The following LRRCC1 variants were observed in gnomAD, a reference collection of about 807,000 sequenced individuals.
The protein encoded by LRRCC1 is leucine-rich repeat and coiled-coil domain-containing protein 1.
In LRRCC1, 115 loss-of-function variants were observed where a neutral mutation model predicts 126.0. The ratio of observed to expected loss-of-function variants is 0.91; its 90% confidence interval spans 0.78 to 1.07. LRRCC1 has a LOEUF of 1.07. Ranked by LOEUF, LRRCC1 falls within the 50% of genes least tolerant of loss-of-function variation. The probability of loss-of-function intolerance (pLI) is 0.00; values close to 1 mark genes in which losing one functional copy is unlikely to be tolerated. For missense variants in LRRCC1, 1,172 were observed against 1,175.7 expected, an observed-to-expected ratio of 1.00 and a Z score of 0.05; for synonymous variants, 400 against 393.4, an observed-to-expected ratio of 1.02 and a Z score of -0.20.
chr8:85,137,809 T>G (rs1810978093), intron 15 of LRRCC1, among the ~76,000 whole-genome samples, 182 bp downstream of exon 15: 1 of 152,184 alleles, frequency 6.6e-6, no homozygotes, highest in Non-Finnish European at 1.5e-5. Context: ...TGATATTTAT[T>G]AATTTGGAAT....
intron 6 of LRRCC1, among the ~76,000 whole-genome samples, chr8:85,116,862 G>GAAAGTCA (rs1809165403): frequency 6.6e-6 from 1 of 152,198 alleles, no homozygotes; most frequent in South Asian, 2.1e-4. Context: ...ATAAGGCTGT[G>GAAAGTCA]AGGATTCTGT....
chr8:85,109,936 C>A, intron 2 of LRRCC1, 136 bp downstream of exon 2: 1 of 623,214 alleles, frequency 1.6e-6, no homozygotes, highest in Non-Finnish European at 2.7e-6. Context: ...ATATTTTCTC[C>A]AAAAAAGTGT....
chr8:85,130,513 C>T (rs1215490481), intron 11 of LRRCC1, among the ~76,000 whole-genome samples: 2 of 151,932 alleles, frequency 1.3e-5, no homozygotes, highest in Non-Finnish European at 2.9e-5. Flanking sequence ...TGGAAAATGC[C>T]GTGTTCATGT....
At chr8:85,141,345 A>G in intron 17 of LRRCC1, 37 bp from the exon 18 acceptor site, 1 of 1,570,268 alleles carries the variant, frequency 6.4e-7, no homozygotes, top group Non-Finnish European at 8.7e-7. Flanking sequence ...CACACCACAT[A>G]TACACATATA....
chr8:85,112,791 A>G (rs1361679808), intron 3 of LRRCC1, 141 bp from the exon 4 acceptor site: 31 of 453,188 alleles, frequency 6.8e-5, no homozygotes, highest in Non-Finnish European at 1.2e-4. Flanking sequence ...CTGATAGCCT[A>G]TTCATTAGAT....
intron 12 of LRRCC1, among the ~76,000 whole-genome samples, chr8:85,132,385 T>C (rs1268007910): frequency 1.7e-4 from 4 of 24,236 alleles, no homozygotes; most frequent in East Asian, 1.1e-3. Flanking sequence ...CTTTTTTTTT[T>C]TTTTTTTTTT....
At chr8:85,136,115 C>T (rs968533306) in intron 14 of LRRCC1, 152 bp downstream of exon 14, 1 of 537,626 alleles carries the variant, frequency 1.9e-6, no homozygotes, top group Non-Finnish European at 3.0e-6. Context: ...TTGCCAGCTA[C>T]AGGGGAATGA....
chr8:85,125,012 G>A, intron 8 of LRRCC1, 73 bp downstream of exon 8: 1 of 1,032,752 alleles, frequency 9.7e-7, no homozygotes. Flanking sequence ...AATTATGCAT[G>A]CTTTTATTAG....
At chr8:85,112,834 G>A (rs553632879) in intron 3 of LRRCC1, 98 bp from the exon 4 acceptor site, 34 of 767,668 alleles carry the variant, frequency 4.4e-5, no homozygotes, top group Non-Finnish European at 6.2e-5. Context: ...AATGCTGCCC[G>A]TTTGCCTCTA....
rs376929745 is a variant in LRRCC1, at chr8:85,134,962, T to C, written c.2084T>C (p.Met695Thr). The C allele has an allele frequency of 5.7e-6, 9 of 1,572,588 alleles. No homozygotes were observed. The African/African-American group carries it at 9.7e-5, about 17-fold the overall frequency. The change falls in exon 13 of 19, where the codon ATG (methionine) becomes ACG (threonine). Residue 695 changes from methionine to threonine, a missense_variant. By Grantham distance (81) the Met-to-Thr change is moderately conservative. Coordinates refer to ENST00000360375, the MANE Select transcript of LRRCC1 (RefSeq NM_033402.5). Reference sequence around the variant, plus strand: ...TCTTTAATTAAAGATCTGACCTGTATGGTAAAGGAACAAAAAACAAAACTG... The same window carrying C: ...TCTTTAATTAAAGATCTGACCTGTACGGTAAAGGAACAAAAAACAAAACTG... Reference protein sequence around the residue: ...SSSLIKDLTCMVKEQKTKLAE... With the variant: ...SSSLIKDLTCTVKEQKTKLAE...
chr8:85,138,562 A>G, intron 17 of LRRCC1, 87 bp downstream of exon 17: 1 of 1,304,052 alleles, frequency 7.7e-7, no homozygotes, highest in Admixed American at 2.4e-5. Context: ...GAGGAGGGCT[A>G]AAAATCATGT....
chr8:85,134,928 G>A lies in LRRCC1; in HGVS notation c.2050G>A (p.Glu684Lys). The A allele has an allele frequency of 1.9e-6, 3 of 1,596,510 alleles. No individual in the cohort carries two copies. The East Asian group carries it at 6.8e-5, about 36-fold the overall frequency. Reference sequence around the variant, plus strand: ...TATTTGGGCTCAACGAAAAGAAAATGAGTCTTCCTCTTTAATTAAAGATCT... The same window carrying A: ...TATTTGGGCTCAACGAAAAGAAAATAAGTCTTCCTCTTTAATTAAAGATCT... ...ALIWAQRKENESSSLIKDLTC... is the reference protein window; with the variant it reads ...ALIWAQRKENKSSSLIKDLTC... The change falls in exon 13 of 19, where the codon GAG becomes AAG. Residue 684 changes from glutamate (E) to lysine (K), a missense_variant. Glu to Lys is a moderately conservative substitution (Grantham distance 56). Transcript: ENST00000360375.
chr8:85,122,872 T>G (rs998165525), intron 6 of LRRCC1, among the ~76,000 whole-genome samples: 4 of 152,222 alleles, frequency 2.6e-5, no homozygotes, highest in Non-Finnish European at 4.4e-5. Context: ...TAGTAAGCAT[T>G]TAACTTGGTT....
At chr8:85,113,123 T>A in intron 4 of LRRCC1, 24 bp downstream of exon 4, 1 of 1,561,196 alleles carries the variant, frequency 6.4e-7, no homozygotes, top group African/African-American at 1.4e-5. Flanking sequence ...ATTTAATATT[T>A]TTTCTAACAG....
At chr8:85,135,736 AAAAT>A in intron 13 of LRRCC1, 49 bp from the exon 14 acceptor site, 1 of 1,126,046 alleles carries the variant, frequency 8.9e-7, no homozygotes, top group Non-Finnish European at 1.2e-6. Flanking sequence ...GAAAAAATAG[AAAAT>A]AAAGCACTTA....
intron 1 of LRRCC1, 165 bp from the exon 2 acceptor site, chr8:85,109,430 G>A (rs1808517504): frequency 1.7e-6 from 1 of 577,994 alleles, no homozygotes; most frequent in African/African-American, 1.9e-5. Flanking sequence ...TGTGTTGTAA[G>A]AAGCACCGTG....
At chr8:85,137,122 C>T (rs547433686) in intron 14 of LRRCC1, among the ~76,000 whole-genome samples, 11 of 152,310 alleles carry the variant, frequency 7.2e-5, no homozygotes, top group African/African-American at 2.6e-4. Flanking sequence ...CAGCTGCACC[C>T]AGCCAAGATA....
rs894994392 is a variant in LRRCC1, at chr8:85,123,485, A to T, written c.1003A>T (p.Ser335Cys). ...AAGAGACACAGATATAACTTCTGAAAGTGACTATGGAAACAGAAAAGAATG... is the reference window on the plus strand; with the variant it reads ...AAGAGACACAGATATAACTTCTGAATGTGACTATGGAAACAGAAAAGAATG... ...PKRDTDITSE[S>C]DYGNRKECNR... The change falls in exon 7 of 19, where the codon AGT becomes TGT. Residue 335 changes from serine (S) to cysteine (C), a missense_variant. Transcript: ENST00000360375. 43 of 1,611,572 alleles carry T rather than the reference A, an allele frequency of 2.7e-5. No individual in the cohort carries two copies. The highest frequency in any genetic ancestry group is 3.6e-5 in the Non-Finnish European group (42 of 1,178,964).
intron 6 of LRRCC1, among the ~76,000 whole-genome samples, chr8:85,117,481 C>T (rs1047705466): frequency 3.9e-5 from 6 of 152,198 alleles, no homozygotes; most frequent in African/African-American, 1.2e-4. Context: ...TTGAGCTGTT[C>T]GTACACTCAA....
Sources: allele counts gnomAD v4.1 joint callset (sites outside exome capture counted in the v4.1 genomes callset), GRCh38; gene constraint gnomAD v4.1.1; transcripts MANE v1.5; gene names NCBI Gene and HGNC (gene_info 2026-07-23, HGNC 2026-07-21).